Variants in ZFHX4 observed in about 807,000 individuals in gnomAD.
ZFHX4 encodes zinc finger homeobox protein 4.
In ZFHX4, 56 loss-of-function variants were observed where a neutral mutation model predicts 267.6. The ratio of observed to expected loss-of-function variants is 0.21; its 90% CI spans 0.17 to 0.26. The LOEUF (loss-of-function observed/expected upper bound fraction) is 0.26, where lower values mean the gene tolerates loss of function less well. Ranked by LOEUF, ZFHX4 falls within the 10% of genes least tolerant of loss-of-function variation. ZFHX4 has a pLI of 1.00. For synonymous variants in ZFHX4, 1,778 were observed against 1,665.6 expected (o/e 1.07, Z -1.64); for missense variants, 4,332 against 4,420.0 (o/e 0.98, Z 0.56).
At chr8:76,817,479 G>A (rs759584675) in intron 4 of ZFHX4, among the ~76,000 whole-genome samples, 10 of 152,138 alleles carry the variant, frequency 6.6e-5, no homozygotes, top group South Asian at 2.1e-4. Context: ...CAAGGGAAGC[G>A]TGGGGAGGTG....
intron 3 of ZFHX4, among the ~76,000 whole-genome samples, chr8:76,769,892 G>C (rs1810215730): frequency 6.6e-6 from 1 of 152,056 alleles, no homozygotes; most frequent in Non-Finnish European, 1.5e-5. Context: ...TTTGTTCAAA[G>C]TACTTCTTAG....
At chr8:76,690,166 C>T (rs1807788399) in intron 1 of ZFHX4, among the ~76,000 whole-genome samples, 2 of 152,000 alleles carry the variant, frequency 1.3e-5, no homozygotes, top group Non-Finnish European at 2.9e-5. Context: ...TTATAGGTTT[C>T]ATTGTGTTCT....
chr8:76,810,966 A>G (rs928602709), intron 4 of ZFHX4, among the ~76,000 whole-genome samples: 1 of 152,100 alleles, frequency 6.6e-6, no homozygotes, highest in African/African-American at 2.4e-5. Flanking sequence ...CCTCCTTGCT[A>G]AGAAGCTACT....
chr8:76,682,592 G>T (rs1406882262), intron 1 of ZFHX4: 1 of 152,316 alleles, frequency 6.6e-6, no homozygotes, highest in Admixed American at 6.5e-5. Flanking sequence ...GAACGCCGCC[G>T]GGTGTGCGTT....
At chr8:76,692,605 G>A (rs1259751390) in intron 1 of ZFHX4, among the ~76,000 whole-genome samples, 1 of 151,950 alleles carries the variant, frequency 6.6e-6, no homozygotes, top group African/African-American at 2.4e-5. Context: ...TTATTCTGGA[G>A]GACTACCCAA....
In ZFHX4 at chr8:76,792,005, AT is replaced by A. The variant is rs1021268993; in HGVS notation, c.3325+13573del. On this transcript the variant is annotated intron_variant, in intron 4 of 10. Transcript: ENST00000651372. ...GATATAATTTTAAAATTTGAATTGT[AT>A]TTTTTTCAAGTAATTTGAGGACTTG... is the stretch of plus-strand genomic sequence containing the variant. Among the ~76,000 whole-genome samples the A allele has an allele frequency of 2.6e-5, 4 of 152,132 alleles. No homozygotes were observed. In the South Asian group the frequency reaches 6.2e-4, roughly 24 times the overall value.
chr8:76,853,008 C>A lies in ZFHX4; in HGVS notation c.6087C>A (p.Asn2029Lys), dbSNP rs1812583701. ...CTATGGGTCCTGTAAAGATCCCCAACACGGTTTCTACTCCTCTGCAAGCTC... is the reference window on the plus strand; with the variant it reads ...CTATGGGTCCTGTAAAGATCCCCAAAACGGTTTCTACTCCTCTGCAAGCTC... ...PSSMGPVKIP[N>K]TVSTPLQAPP... The change falls in exon 10 of 11, where the codon AAC (asparagine) becomes AAA (lysine). Residue 2029 changes from asparagine to lysine, a missense_variant. Coordinates refer to ENST00000651372, the MANE Select transcript of ZFHX4 (RefSeq NM_024721.5). The A allele has an allele frequency of 2.0e-6, 3 of 1,528,952 alleles. No homozygotes were observed. Among genetic ancestry groups the A allele is most frequent in the South Asian group, 1.2e-5 (1 of 83,472 alleles). 94.7% of individuals were successfully genotyped at this position (1,528,952 alleles called of 1,614,324 possible).
At chr8:76,846,445 G>T (rs1254014754) in intron 6 of ZFHX4, among the ~76,000 whole-genome samples, 1 of 152,004 alleles carries the variant, frequency 6.6e-6, no homozygotes, top group Non-Finnish European at 1.5e-5. Flanking sequence ...AAGTTAATTA[G>T]CCAGAAAAAT....
chr8:76,857,839 AT>A (rs5892569), intron 10 of ZFHX4, among the ~76,000 whole-genome samples: 29,560 of 142,342 alleles, frequency 0.21, 3,270 homozygotes, highest in South Asian at 0.27. Context: ...GCAATGACAG[AT>A]TTTTTTTTTT....
chr8:76,726,949 C>T (rs1435221769), intron 3 of ZFHX4, among the ~76,000 whole-genome samples: 1 of 152,184 alleles, frequency 6.6e-6, no homozygotes, highest in Admixed American at 6.6e-5. Context: ...TTAATTCCCG[C>T]TCAGGTCCAG....
intron 4 of ZFHX4, among the ~76,000 whole-genome samples, chr8:76,823,911 A>T (rs933751748): frequency 6.6e-6 from 1 of 152,212 alleles, no homozygotes; most frequent in African/African-American, 2.4e-5. Context: ...CCATGGCAGG[A>T]TATATAAACA....
chr8:76,855,712 C>T lies in ZFHX4; in HGVS notation c.8791C>T (p.Arg2931Cys). 1 of 1,613,886 alleles carries T rather than the reference C, an allele frequency of 6.2e-7. No homozygotes were observed. Among genetic ancestry groups the T allele is most frequent in the African/African-American group, 1.3e-5 (1 of 75,018 alleles). The change falls in exon 10 of 11, where the codon CGT (arginine) becomes TGT (cysteine). Residue 2931 changes from arginine (R) to cysteine (C), a missense_variant. This residue lies in a region of ZFHX4 where 1,648 missense variants were observed against 1,625.0 expected (regional missense o/e 1.01). Coordinates refer to ENST00000651372, the MANE Select transcript of ZFHX4 (RefSeq NM_024721.5). ...SKSNDRPGHK[R>C]FRTQMSNLQL... ...AAGTAATGATCGGCCGGGTCACAAG[C>T]GTTTTCGAACGCAAATGAGCAATCT...
At position 76,849,052 on chromosome 8, in the gene ZFHX4, T is replaced by C. The variant is rs762383692; in HGVS notation, c.3569T>C (p.Leu1190Pro). 3 of 1,566,976 alleles carry C rather than the reference T, an allele frequency of 1.9e-6. No homozygotes were observed. The South Asian group carries it at 3.5e-5, about 18-fold the overall frequency. Residue 1190 changes from leucine to proline, a missense_variant, in exon 7 of 11, where the codon CTC becomes CCC. Coordinates refer to ENST00000651372, the MANE Select transcript of ZFHX4 (RefSeq NM_024721.5). ...KVSVAGGTQPLLLAKEEDVAT... is the reference protein window; with the variant it reads ...KVSVAGGTQPPLLAKEEDVAT... ...AGTGTGGCAGGGGGTACCCAGCCACTCCTGCTGGCAAAAGAAGAGGATGTT... is the reference window on the plus strand; with the variant it reads ...AGTGTGGCAGGGGGTACCCAGCCACCCCTGCTGGCAAAAGAAGAGGATGTT...
chr8:76,698,203 A>AT (rs1345738618), intron 1 of ZFHX4, among the ~76,000 whole-genome samples: 2 of 152,130 alleles, frequency 1.3e-5, no homozygotes, highest in African/African-American at 4.8e-5. Context: ...AATCAACTAG[A>AT]TTGGTTGCAA....
intron 4 of ZFHX4, among the ~76,000 whole-genome samples, chr8:76,825,806 T>C (rs747793227): frequency 6.6e-6 from 1 of 152,216 alleles, no homozygotes; most frequent in East Asian, 1.9e-4. Context: ...GATTCAACTC[T>C]ATGGTTGTAG....
chr8:76,818,089 G>T (rs939144821), intron 4 of ZFHX4, among the ~76,000 whole-genome samples: 2 of 152,142 alleles, frequency 1.3e-5, no homozygotes, highest in African/African-American at 4.8e-5. Flanking sequence ...GGTAAATTAG[G>T]ACATTTTGAG....
At chr8:76,746,136 T>A (rs1809454184) in intron 3 of ZFHX4, among the ~76,000 whole-genome samples, 1 of 152,246 alleles carries the variant, frequency 6.6e-6, no homozygotes, top group Non-Finnish European at 1.5e-5. Flanking sequence ...TCAGGAGCGA[T>A]GGCTCATGCC....
chr8:76,739,968 G>T (rs917612200), intron 3 of ZFHX4, among the ~76,000 whole-genome samples: 1 of 152,042 alleles, frequency 6.6e-6, no homozygotes, highest in African/African-American at 2.4e-5. Context: ...GGAAAGTCAT[G>T]GGGCAACTGT....
intron 6 of ZFHX4, among the ~76,000 whole-genome samples, chr8:76,845,200 A>G (rs993225614): frequency 5.3e-5 from 8 of 152,112 alleles, no homozygotes; most frequent in Non-Finnish European, 1.2e-4. Flanking sequence ...ACGTGGCAAT[A>G]TGCAAGTTAT....
Sources: gnomAD v4.1 joint callset for allele counts (sites outside exome capture counted in the v4.1 genomes callset) on GRCh38, gnomAD v4.1.1 for gene constraint, gnomAD v4.1.1 regional missense constraint, MANE v1.5 for transcripts, NCBI Gene and HGNC (gene_info 2026-07-23, HGNC 2026-07-21) for gene names.